SRGAP3: variants seen among roughly 807,000 people sequenced by gnomAD.
SRGAP3 encodes SLIT-ROBO Rho GTPase-activating protein 3.
Under a neutral mutation model 121.1 loss-of-function variants are expected in SRGAP3, and 39 were observed. That is an observed-to-expected ratio of 0.32 (90% CI 0.25 to 0.42). SRGAP3 has a LOEUF of 0.42. Among genes scored for constraint, SRGAP3 ranks in the 10% least tolerant of loss-of-function variants. The probability of loss-of-function intolerance (pLI) is 1.00; values close to 1 mark genes in which losing one functional copy is unlikely to be tolerated. For missense variants in SRGAP3, 1,213 were observed against 1,470.6 expected (o/e 0.82, Z 2.86); for synonymous variants, 601 against 570.0 (o/e 1.05, Z -0.77).
chr3:9,266,762 G>A (rs1227459720), intron 3 of SRGAP3, among the ~76,000 whole-genome samples: 2 of 152,152 alleles, frequency 1.3e-5, no homozygotes, highest in African/African-American at 4.8e-5. Context: ...TCCATTTGGA[G>A]GCAATACCCC....
intron 3 of SRGAP3, among the ~76,000 whole-genome samples, chr3:9,319,637 T>A (rs1318614917): frequency 1.3e-5 from 2 of 151,438 alleles, no homozygotes; most frequent in Admixed American, 1.3e-4. Flanking sequence ...AGGTAAGGAG[T>A]GCAGAAAATT....
At chr3:9,047,062 G>A (rs1417505067) in intron 10 of SRGAP3, among the ~76,000 whole-genome samples, 2 of 152,118 alleles carry the variant, frequency 1.3e-5, no homozygotes, top group Non-Finnish European at 1.5e-5. Context: ...TCGATCTCCT[G>A]ACCTCGTGAT....
rs1436298382 is a variant in SRGAP3, at chr3:9,032,667, T to C, written c.1522A>G (p.Met508Val). 1 of 1,613,532 alleles carries C rather than the reference T, an allele frequency of 6.2e-7. No homozygotes were observed. Among genetic ancestry groups the C allele is most frequent in the Non-Finnish European group, 8.5e-7 (1 of 1,179,772 alleles). Reference protein sequence around the residue: ...VYSHKLFNGSMEAFIKDSGQA... With the variant: ...VYSHKLFNGSVEAFIKDSGQA... ...GCAAGTACCTTAATGAATGCTTCCA[T>C]ACTGCCGTTAAAGAGTTTATGGCTA... Residue 508 changes from methionine to valine, a missense_variant, in exon 12 of 22, where the codon ATG becomes GTG. Physicochemically the swap from Met to Val is conservative, Grantham distance 21. Around this residue, in one of 2 missense-constraint regions of SRGAP3, gnomAD observed 793 missense variants for 1,032.9 expected, o/e 0.77. Transcript: ENST00000383836.
chr3:9,168,877 T>A (rs192529360), intron 1 of SRGAP3, among the ~76,000 whole-genome samples: 9 of 152,360 alleles, frequency 5.9e-5, no homozygotes, highest in Admixed American at 1.3e-4. Flanking sequence ...TATGTTACAG[T>A]GGTTAGGAGC....
In SRGAP3 at chr3:9,239,513, T is replaced by C. The variant is rs1336832449; in HGVS notation, c.67+9372A>G. Among the ~76,000 whole-genome samples, 2 of 152,214 alleles carry C rather than the reference T, an allele frequency of 1.3e-5. No homozygotes were observed. ...GCACAAGGGAACATGGGCTTCTCTG[T>C]GTTCATCTGTGCCATTATCACCTAG... On this transcript the variant is annotated intron_variant, in intron 1 of 21. Transcript: ENST00000383836. This position sits in a 1 kb window ranked among gnomAD's most constrained non-coding sequence, Gnocchi z 4.0.
At chr3:9,313,684 A>AC in intron 3 of SRGAP3, among the ~76,000 whole-genome samples, 1 of 151,384 alleles carries the variant, frequency 6.6e-6, no homozygotes, top group East Asian at 2.0e-4. Flanking sequence ...GTCTTAAAAA[A>AC]AAAAAGAAAA....
intron 1 of SRGAP3, among the ~76,000 whole-genome samples, chr3:9,130,462 C>G (rs937582683): frequency 6.6e-6 from 1 of 152,170 alleles, no homozygotes; most frequent in African/African-American, 2.4e-5. Flanking sequence ...GCAGTGAGTG[C>G]TACTAGTGTT....
chr3:9,180,087 C>T, intron 1 of SRGAP3, among the ~76,000 whole-genome samples: 1 of 152,260 alleles, frequency 6.6e-6, no homozygotes. Flanking sequence ...AATTGAACAG[C>T]ACTCCAAGAC....
At chr3:9,288,052 G>A (rs1426161720) in intron 3 of SRGAP3, among the ~76,000 whole-genome samples, 1 of 148,754 alleles carries the variant, frequency 6.7e-6, no homozygotes, top group African/African-American at 2.5e-5. Context: ...CACATTCTTT[G>A]TCTCCTCTTC....
intron 2 of SRGAP3, among the ~76,000 whole-genome samples, chr3:9,123,394 CACA>C (rs1174637516): frequency 0.58 from 77,398 of 132,800 alleles, 20,190 homozygotes; most frequent in Non-Finnish European, 0.63. Flanking sequence ...TATATACATA[CACA>C]ATACACATAC....
At chr3:9,353,032 T>C (rs1173117656) in intron 1 of SRGAP3, among the ~76,000 whole-genome samples, 9 of 152,220 alleles carry the variant, frequency 5.9e-5, no homozygotes, top group Non-Finnish European at 1.0e-4. Context: ...TCCCTGCTGA[T>C]CTTGCTGGTG....
chr3:9,079,618 C>T (rs1436837255), intron 4 of SRGAP3, among the ~76,000 whole-genome samples: 1 of 152,202 alleles, frequency 6.6e-6, no homozygotes, highest in East Asian at 1.9e-4. Context: ...AAACTGCCCA[C>T]CTGCCTATGG....
At chr3:9,006,640 CT>C (rs111453768) in intron 18 of SRGAP3, among the ~76,000 whole-genome samples, 99 of 152,168 alleles carry the variant, frequency 6.5e-4, no homozygotes, top group African/African-American at 2.2e-3. Flanking sequence ...CAAAGGTAAC[CT>C]CAAAAATTTC....
chr3:9,340,794 G>C (rs955417321), intron 1 of SRGAP3, among the ~76,000 whole-genome samples: 2 of 152,162 alleles, frequency 1.3e-5, no homozygotes, highest in African/African-American at 2.4e-5. Flanking sequence ...CCTGTATGAC[G>C]GACTGGGAGT....
At chr3:9,053,451 A>T (rs1329391608) in intron 8 of SRGAP3, among the ~76,000 whole-genome samples, 3 of 152,240 alleles carry the variant, frequency 2.0e-5, no homozygotes, top group Non-Finnish European at 2.9e-5. Context: ...CAATTTAAAG[A>T]TATTTTATCG....
chr3:9,311,115 A>G (rs1044702480), intron 3 of SRGAP3, among the ~76,000 whole-genome samples: 2 of 151,766 alleles, frequency 1.3e-5, no homozygotes, highest in African/African-American at 2.4e-5. Context: ...GGTTGCAGTG[A>G]GCCCAGGTTG....
chr3:9,217,901 G>A (rs1308849376), intron 1 of SRGAP3: 1 of 152,116 alleles, frequency 6.6e-6, no homozygotes, highest in Non-Finnish European at 1.5e-5. Context: ...GGGGACAGGA[G>A]GAGATCTTGC....
At chr3:9,210,769 G>T (rs550618300) in intron 1 of SRGAP3, among the ~76,000 whole-genome samples, 1 of 152,236 alleles carries the variant, frequency 6.6e-6, no homozygotes, top group East Asian at 1.9e-4. Flanking sequence ...GGTAGAGGTT[G>T]CAGTGAGCCG....
intron 1 of SRGAP3, among the ~76,000 whole-genome samples, chr3:9,348,120 C>T (rs1955940145): frequency 6.6e-6 from 1 of 152,226 alleles, no homozygotes; most frequent in Non-Finnish European, 1.5e-5. Context: ...TTCACCGCAA[C>T]AGTAGAATTT....
Sources: allele counts gnomAD v4.1 joint callset (sites outside exome capture counted in the v4.1 genomes callset), GRCh38; gene constraint gnomAD v4.1.1; regional missense constraint gnomAD v4.1.1; non-coding constraint Gnocchi (gnomAD v3.1); transcripts MANE v1.5; gene names NCBI Gene and HGNC (gene_info 2026-07-23, HGNC 2026-07-21).